SLC7A9: variants seen among roughly 807,000 people sequenced by gnomAD.
SLC7A9 encodes B(0,+)-type amino acid transporter 1.
In SLC7A9, 38 loss-of-function variants were observed where a neutral mutation model predicts 54.1. The ratio of observed to expected loss-of-function variants is 0.70; its 90% CI spans 0.54 to 0.92. The LOEUF is 0.92. Among genes scored for constraint, SLC7A9 ranks in the 40% least tolerant of loss-of-function variants. The pLI, the probability that SLC7A9 is intolerant of heterozygous loss-of-function variation, is 0.00. For missense variants in SLC7A9, 537 were observed against 636.1 expected (o/e 0.84, Z 1.68); for synonymous variants, 264 against 258.9 (o/e 1.02, Z -0.19).
chr19:32,832,728 C>G (rs1967840807), intron 12 of SLC7A9: 1 of 218,312 alleles, frequency 4.6e-6, no homozygotes, highest in South Asian at 7.6e-5. Flanking sequence ...TCTGGGCCAC[C>G]TAGCGAGACT....
At chr19:32,852,826 A>G (rs1051470612) in intron 9 of SLC7A9, among the ~76,000 whole-genome samples, 3 of 151,620 alleles carry the variant, frequency 2.0e-5, no homozygotes, top group Non-Finnish European at 4.4e-5. Context: ...CTAAGTGTAT[A>G]GGGAATGCTA....
At position 32,858,445 on chromosome 19, in the gene SLC7A9, C is replaced by G. The variant is rs61730903; in HGVS notation, c.972G>C (p.Ala324=). ...TGACGGTGGGGGTCCCCTACCTGCC[C>G]GCTGTGAAGCAGGTCCCGTTAGCAG... ...IGAANGTCFT[A]GRLIYVAGRE... Residue 324 remains alanine, a synonymous_variant, in exon 9 of 13, where the codon GCG becomes GCC. Coordinates refer to ENST00000023064, the MANE Select transcript of SLC7A9 (RefSeq NM_014270.5). 1.2e-6 allele frequency: 2 copies of G among 1,611,406 alleles called. No homozygotes were observed. Among genetic ancestry groups the G allele is most frequent in the Non-Finnish European group, 1.7e-6 (2 of 1,178,756 alleles).
intron 9 of SLC7A9, among the ~76,000 whole-genome samples, chr19:32,848,885 C>G (rs1475505098): frequency 1.3e-5 from 2 of 152,172 alleles, no homozygotes; most frequent in African/African-American, 2.4e-5. Flanking sequence ...GAATCTCACT[C>G]AAAACAGCTC....
At chr19:32,830,807 G>A in intron 12 of SLC7A9, 123 bp from the exon 13 acceptor site, 1 of 712,554 alleles carries the variant, frequency 1.4e-6, no homozygotes, top group Non-Finnish European at 2.4e-6. Context: ...TAGACCCTGT[G>A]CTCAGGATGG....
chr19:32,838,419 A>G (rs1267671940), intron 11 of SLC7A9, among the ~76,000 whole-genome samples: 6 of 149,580 alleles, frequency 4.0e-5, no homozygotes, highest in Non-Finnish European at 8.9e-5. Flanking sequence ...GCATTATTAT[A>G]TAAGGATATA....
intron 12 of SLC7A9, among the ~76,000 whole-genome samples, chr19:32,832,328 T>C (rs1317149535): frequency 1.3e-5 from 2 of 152,040 alleles, no homozygotes; most frequent in East Asian, 3.9e-4. Flanking sequence ...GGCTGACATC[T>C]GTAATCCCAG....
At chr19:32,863,929 G>A (rs1968881805) in intron 4 of SLC7A9, among the ~76,000 whole-genome samples, 167 bp downstream of exon 4, 2 of 152,160 alleles carry the variant, frequency 1.3e-5, no homozygotes, top group African/African-American at 4.8e-5. Context: ...AGCCCCCACG[G>A]GCCTGGGGGT....
intron 4 of SLC7A9, chr19:32,862,880 G>A (rs940219817): frequency 1.9e-5 from 4 of 205,470 alleles, no homozygotes; most frequent in Middle Eastern, 2.0e-3. Flanking sequence ...AGGTTCTAGC[G>A]GGGGAGCGCA....
chr19:32,844,074 A>G, intron 9 of SLC7A9, 123 bp from the exon 10 acceptor site: 1 of 732,718 alleles, frequency 1.4e-6, no homozygotes. Context: ...GGAGCTGAGC[A>G]GGGACCTGAG....
chr19:32,868,299 A>T, intron 2 of SLC7A9, 149 bp downstream of exon 2: 1 of 682,926 alleles, frequency 1.5e-6, no homozygotes, highest in Middle Eastern at 3.0e-4. Flanking sequence ...AAGTCCAGAG[A>T]TTATCCCTTT....
intron 11 of SLC7A9, among the ~76,000 whole-genome samples, chr19:32,838,443 A>T: frequency 6.7e-6 from 1 of 148,938 alleles, no homozygotes; most frequent in East Asian, 1.9e-4. Context: ...TGTATAATAT[A>T]TGTGTATATT....
Position 32,864,682 on chromosome 19 carries a change from G to C in SLC7A9, c.182C>G (p.Ala61Gly). 1 of 1,614,154 alleles carries C rather than the reference G, an allele frequency of 6.2e-7. No homozygotes were observed. The highest frequency in any genetic ancestry group is 8.5e-7 in the Non-Finnish European group (1 of 1,180,020). ...CCATATGATGAGGCAGGGCCCCACA[G>C]CTTCCGTGTTGCTGAGCACAGACTT... ...SPKSVLSNTE[A>G]VGPCLIIWAA... Residue 61 changes from alanine (A) to glycine (G), a missense_variant, in exon 3 of 13, where the codon GCT becomes GGT. Transcript: ENST00000023064.
At chr19:32,832,374 G>A (rs1164773091) in intron 12 of SLC7A9, among the ~76,000 whole-genome samples, 1 of 151,496 alleles carries the variant, frequency 6.6e-6, no homozygotes, top group Non-Finnish European at 1.5e-5. Context: ...ATCACCTAAG[G>A]TCAGGAGTTG....
At chr19:32,846,741 C>T (rs1347017477) in intron 9 of SLC7A9, among the ~76,000 whole-genome samples, 2 of 152,186 alleles carry the variant, frequency 1.3e-5, no homozygotes, top group Non-Finnish European at 2.9e-5. Flanking sequence ...CCCTGACCCC[C>T]CAGCAGCCTA....
intron 11 of SLC7A9, among the ~76,000 whole-genome samples, chr19:32,837,692 G>A (rs753898201): frequency 2.8e-4 from 42 of 152,096 alleles, no homozygotes; most frequent in Non-Finnish European, 5.1e-4. Context: ...CTCGCAAGAC[G>A]TGAGACGCTT....
At chr19:32,862,037 T>C in intron 6 of SLC7A9, 81 bp downstream of exon 6, 1 of 896,490 alleles carries the variant, frequency 1.1e-6, no homozygotes, top group Non-Finnish European at 1.9e-6. Flanking sequence ...GAGAACTCAT[T>C]GTTTTCCATG....
rs972985879 is a variant in SLC7A9, at chr19:32,830,817, G to A, written c.1400-133C>T. On this transcript the variant is annotated intron_variant, in intron 12 of 12. Transcript: ENST00000023064. ...TCACCTAGACCCTGTGCTCAGGATG[G>A]CCAGCTTTCCTGCCTTCTGGTTGGA... is the stretch of plus-strand genomic sequence containing the variant. The A allele has an allele frequency of 2.3e-5, 16 of 686,872 alleles. No individual in the cohort carries two copies. The East Asian group carries it at 4.7e-4, about 20-fold the overall frequency. The allele number at this position is 686,872 out of a possible 1,614,324, so 42.5% of individuals were successfully genotyped here. A position where few individuals can be genotyped will look rare whatever the true frequency, so the allele number is the denominator to read the frequency against.
intron 9 of SLC7A9, among the ~76,000 whole-genome samples, chr19:32,847,926 CA>C (rs1968349031): frequency 6.6e-6 from 1 of 152,140 alleles, no homozygotes; most frequent in African/African-American, 2.4e-5. Flanking sequence ...ATTTCGTACC[CA>C]CCCAAGCTAA....
chr19:32,858,608 A>G lies in SLC7A9; in HGVS notation c.874-65T>C, dbSNP rs979045936. The G allele has an allele frequency of 1.4e-5, 19 of 1,344,690 alleles. No individual in the cohort carries two copies. In the Admixed American group the frequency reaches 1.9e-4, roughly 13 times the overall value. The allele number at this position is 1,344,690 out of a possible 1,614,324, so 83.3% of individuals were successfully genotyped here. ...GGCCTCCAAGAGCGGCCGGCCCCCA[A>G]AAGCTATTCTGGCCTCCCAGGGGAC... On this transcript the variant is annotated intron_variant, in intron 8 of 12. Coordinates refer to ENST00000023064, the MANE Select transcript of SLC7A9 (RefSeq NM_014270.5).
Sources: gnomAD v4.1 joint callset for allele counts (sites outside exome capture counted in the v4.1 genomes callset) on GRCh38, gnomAD v4.1.1 for gene constraint, MANE v1.5 for transcripts, NCBI Gene and HGNC (gene_info 2026-07-23, HGNC 2026-07-21) for gene names.